The following CTSB variants were observed in gnomAD, a reference collection of about 807,000 sequenced individuals.
CTSB encodes cathepsin B.
CTSB carries 57 observed loss-of-function variants against 44.3 expected under a neutral mutation model. That is an observed-to-expected ratio of 1.29 (90% CI 1.04 to 1.60). CTSB has a LOEUF of 1.60. CTSB is among the 40% of genes most tolerant of loss of function. The pLI is 0.00. For synonymous variants in CTSB, 320 were observed against 168.0 expected (o/e 1.91, Z -7.00); for missense variants, 768 against 443.0 (o/e 1.73, Z -6.59).
chr8:11,849,270 G>C (rs538201990), intron 4 of CTSB, 106 bp from the exon 5 acceptor site: 3 of 777,658 alleles, frequency 3.9e-6, no homozygotes, highest in Non-Finnish European at 6.5e-6. Context: ...GTAGGCAACT[G>C]ATCTCTCAAC....
chr8:11,865,249 GAA>G (rs1816954376), intron 1 of CTSB, among the ~76,000 whole-genome samples: 1 of 152,134 alleles, frequency 6.6e-6, no homozygotes, highest in African/African-American at 2.4e-5. Flanking sequence ...CCAGACCATT[GAA>G]AAGAGGCAGC....
chr8:11,846,821 T>C (rs1490786005), intron 8 of CTSB, among the ~76,000 whole-genome samples: 5 of 152,040 alleles, frequency 3.3e-5, no homozygotes, highest in Admixed American at 2.6e-4. Flanking sequence ...CCAGAGGCTC[T>C]GGGAGAGGCC....
intron 1 of CTSB, among the ~76,000 whole-genome samples, chr8:11,863,188 C>T (rs973807407): frequency 2.0e-5 from 3 of 152,074 alleles, no homozygotes; most frequent in Admixed American, 6.6e-5. Flanking sequence ...AATAGGCTAG[C>T]GGTGGCTCAG....
chr8:11,857,793 C>G (rs995482776), intron 1 of CTSB: 1 of 152,884 alleles, frequency 6.5e-6, no homozygotes, highest in Non-Finnish European at 1.5e-5. Context: ...CCGCTGCCAG[C>G]CCCAGGGCCC....
At chr8:11,866,665 G>T (rs890406383) in intron 1 of CTSB, among the ~76,000 whole-genome samples, 1 of 152,190 alleles carries the variant, frequency 6.6e-6, no homozygotes, top group Non-Finnish European at 1.5e-5. Flanking sequence ...GTCAAGATCT[G>T]CCTGGTCAAC....
chr8:11,853,948 G>A (rs1335586053), intron 1 of CTSB: 2 of 152,972 alleles, frequency 1.3e-5, no homozygotes, highest in Non-Finnish European at 2.9e-5. Context: ...GCTCGGTGTG[G>A]GCTGGTGGAG....
At chr8:11,845,977 A>C (rs539441880) in intron 8 of CTSB, among the ~76,000 whole-genome samples, 188 bp from the exon 9 acceptor site, 1 of 152,226 alleles carries the variant, frequency 6.6e-6, no homozygotes, top group African/African-American at 2.4e-5. Flanking sequence ...TGAAGGCCCA[A>C]CACACTCAAA....
intron 3 of CTSB, among the ~76,000 whole-genome samples, chr8:11,851,351 G>A (rs913910807): frequency 1.1e-4 from 16 of 151,874 alleles, no homozygotes; most frequent in South Asian, 4.2e-4. Flanking sequence ...CACCACACCC[G>A]GCTAATTTTT....
Position 11,845,587 on chromosome 8 carries a change from C to G in CTSB, c.922+74G>C, listed in dbSNP as rs535331060. 1.6e-4 allele frequency: 244 copies of G among 1,554,418 alleles called. No homozygotes were observed. The African/African-American group carries it at 3.0e-3, about 19-fold the overall frequency. On this transcript the variant is annotated intron_variant, in intron 9 of 9. Transcript: ENST00000353047. ...GTTTAAGGCTGTGCGGTGGGTAGAA[C>G]AGAGAAAGCCGAGATGGCCACGGGG...
At chr8:11,854,154 T>G (rs576553487) in intron 1 of CTSB, among the ~76,000 whole-genome samples, 1 of 152,168 alleles carries the variant, frequency 6.6e-6, no homozygotes, top group Non-Finnish European at 1.5e-5. Flanking sequence ...CAGCTTGAAC[T>G]CTGAGTCACC....
chr8:11,853,507 C>T, intron 1 of CTSB, 28 bp from the exon 2 acceptor site: 1 of 1,588,942 alleles, frequency 6.3e-7, no homozygotes, highest in South Asian at 1.1e-5. Context: ...CATCAGGACA[C>T]CTCTCTGTTA....
intron 9 of CTSB, 93 bp from the exon 10 acceptor site, chr8:11,845,315 T>C: frequency 1.0e-6 from 1 of 953,520 alleles, no homozygotes. Flanking sequence ...CACTCATCCC[T>C]GGCCACTCCT....
intron 6 of CTSB, 36 bp from the exon 7 acceptor site, chr8:11,847,858 A>G (rs778027638): frequency 2.0e-6 from 3 of 1,482,806 alleles, no homozygotes; most frequent in Non-Finnish European, 2.7e-6. Flanking sequence ...GTCAACCTAC[A>G]GCCCCCACGG....
At chr8:11,845,634 C>T in intron 9 of CTSB, 27 bp downstream of exon 9, 4 of 1,608,036 alleles carry the variant, frequency 2.5e-6, no homozygotes, top group Non-Finnish European at 3.4e-6. Flanking sequence ...ATTCACTGTT[C>T]TTGGCAGGAA....
At chr8:11,850,615 GA>G (rs1814411630) in intron 4 of CTSB, 5 of 343,704 alleles carry the variant, frequency 1.5e-5, no homozygotes, top group Non-Finnish European at 5.4e-6. Flanking sequence ...GCATGTCAGG[GA>G]AAGGGAGCTG....
intron 4 of CTSB, among the ~76,000 whole-genome samples, chr8:11,850,415 T>C (rs1383508363): frequency 2.9e-5 from 2 of 68,908 alleles, no homozygotes; most frequent in Non-Finnish European, 2.5e-5. Flanking sequence ...CAAGACTCCA[T>C]CTCCAAAAAA....
intron 1 of CTSB, chr8:11,867,648 G>A (rs990187921): frequency 2.9e-4 from 44 of 152,258 alleles, no homozygotes; most frequent in African/African-American, 1.0e-3. Flanking sequence ...GCAGTCTCCG[G>A]ACCCGGCCGA....
At chr8:11,855,047 G>C (rs1226350322) in intron 1 of CTSB, 2 of 152,238 alleles carry the variant, frequency 1.3e-5, no homozygotes, top group African/African-American at 4.8e-5. Context: ...TTTTGAGACG[G>C]AGTCTTACTC....
Position 11,848,245 on chromosome 8 carries a change from G to A in CTSB, c.447-93C>T, listed in dbSNP as rs150788171. ...TACCCAAGTGCCCGAGGCCACTCGTGGACCCACCCCCAGCTGCAGCAAGTG... is the reference window on the plus strand; with the variant it reads ...TACCCAAGTGCCCGAGGCCACTCGTAGACCCACCCCCAGCTGCAGCAAGTG... On this transcript the variant is annotated intron_variant, in intron 5 of 9. Coordinates refer to ENST00000353047, the MANE Select transcript of CTSB (RefSeq NM_001908.5). 1,154 of 1,091,914 alleles carry A rather than the reference G, an allele frequency of 1.1e-3. 12 individuals are homozygous for A. The African/African-American group carries it at 0.016, about 15-fold the overall frequency. The allele number at this position is 1,091,914 out of a possible 1,614,324, so 67.6% of individuals were successfully genotyped here. A position where few individuals can be genotyped will look rare whatever the true frequency, so the allele number is the denominator to read the frequency against.
Sources: allele counts gnomAD v4.1 joint callset (sites outside exome capture counted in the v4.1 genomes callset), GRCh38; gene constraint gnomAD v4.1.1; transcripts MANE v1.5; gene names NCBI Gene and HGNC (gene_info 2026-07-23, HGNC 2026-07-21).